The following EDC3 variants were observed in gnomAD, a reference collection of about 807,000 sequenced individuals.
The protein encoded by EDC3 is enhancer of mRNA decapping 3, also known as enhancer of mRNA-decapping protein 3.
A neutral mutation model predicts 41.8 loss-of-function variants in EDC3; 20 were observed. The ratio of observed to expected loss-of-function variants is 0.48; its 90% CI spans 0.34 to 0.70. EDC3 has a LOEUF of 0.70. EDC3 is among the 30% of genes least tolerant of loss of function. EDC3 has a pLI of 0.01. For synonymous variants in EDC3, 206 were observed against 243.2 expected (o/e 0.85, Z 1.42); for missense variants, 444 against 636.8 (o/e 0.70, Z 3.26).
chr15:74,633,063 C>A, intron 6 of EDC3, 117 bp from the exon 7 acceptor site: 1 of 1,091,774 alleles, frequency 9.2e-7, no homozygotes, highest in South Asian at 1.6e-5. Context: ...ACTCGAATGC[C>A]TCTCCAAAGG....
At chr15:74,660,729 G>A (rs1185171730) in intron 3 of EDC3, among the ~76,000 whole-genome samples, 1 of 151,924 alleles carries the variant, frequency 6.6e-6, no homozygotes, top group Admixed American at 6.6e-5. Context: ...TTTCCCCAGG[G>A]GTGGACAGAA....
intron 1 of EDC3, among the ~76,000 whole-genome samples, chr15:74,676,018 A>G (rs1237544163): frequency 6.6e-6 from 1 of 152,230 alleles, no homozygotes; most frequent in Non-Finnish European, 1.5e-5. Flanking sequence ...AACAAGTATG[A>G]ATAAATTTAA....
chr15:74,666,057 G>A (rs973714739), intron 3 of EDC3, among the ~76,000 whole-genome samples: 3 of 151,982 alleles, frequency 2.0e-5, no homozygotes, highest in South Asian at 2.1e-4. Context: ...CCCAGCCTCC[G>A]AAAGTGTTAA....
At position 74,632,199 on chromosome 15, in the gene EDC3, G is replaced by C. The variant is rs1274129725; in HGVS notation, c.*413C>G. 1 of 216,992 alleles carries C rather than the reference G, an allele frequency of 4.6e-6. No individual in the cohort carries two copies. The highest frequency in any genetic ancestry group is 9.4e-6 in the Non-Finnish European group (1 of 106,476). 13.4% of individuals were successfully genotyped at this position (216,992 alleles called of 1,614,324 possible). On this transcript the variant is annotated 3_prime_UTR_variant, in exon 7 of 7. Coordinates refer to ENST00000315127, the MANE Select transcript of EDC3 (RefSeq NM_025083.5). This position sits in a 1 kb window ranked among gnomAD's most constrained non-coding sequence, Gnocchi z 4.0. ...AAGGGCTGTCTGCGTGGGGAAAGCA[G>C]GGGAGACACAAAGCCACAAGCTCTG...
chr15:74,656,737 A>G (rs2062553539), intron 3 of EDC3, among the ~76,000 whole-genome samples: 1 of 152,060 alleles, frequency 6.6e-6, no homozygotes, highest in South Asian at 2.1e-4. Context: ...CTGTTTTCCC[A>G]CTAGAATGTT....
chr15:74,672,407 T>G (rs988961719), intron 2 of EDC3, among the ~76,000 whole-genome samples: 5 of 152,308 alleles, frequency 3.3e-5, no homozygotes, highest in East Asian at 1.9e-4. Context: ...ATACTTACTA[T>G]GTGGTAAGCC....
intron 3 of EDC3, among the ~76,000 whole-genome samples, chr15:74,670,268 T>C (rs2062724477): frequency 6.6e-6 from 1 of 152,118 alleles, no homozygotes; most frequent in Non-Finnish European, 1.5e-5. Flanking sequence ...ACAACATTCA[T>C]ATTAATTTAA....
intron 3 of EDC3, among the ~76,000 whole-genome samples, chr15:74,668,056 T>C (rs2062696948): frequency 1.3e-5 from 2 of 152,200 alleles, no homozygotes; most frequent in Non-Finnish European, 2.9e-5. Context: ...AATGGTACTT[T>C]ACCTCTGTTG....
At chr15:74,649,378 C>T (rs2062455059) in intron 4 of EDC3, among the ~76,000 whole-genome samples, 1 of 152,112 alleles carries the variant, frequency 6.6e-6, no homozygotes, top group African/African-American at 2.4e-5. Flanking sequence ...CTCAGCCTCC[C>T]AAAGTGGTGG....
chr15:74,640,680 T>TA, intron 4 of EDC3, 61 bp from the exon 5 acceptor site: 1 of 1,603,060 alleles, frequency 6.2e-7, no homozygotes, highest in African/African-American at 1.3e-5. Context: ...CCAAACCGGG[T>TA]ATACTCTATC....
Position 74,632,772 on chromosome 15 carries a change from T to C in EDC3, c.1367A>G (p.Lys456Arg). ...AGGCAGGCCCAGTGCCAGTGACCATTTGGCATCAATGCCCTGTTCGACTTC... is the reference window on the plus strand; with the variant it reads ...AGGCAGGCCCAGTGCCAGTGACCATCTGGCATCAATGCCCTGTTCGACTTC... ...VHEVEQGIDA[K>R]WSLALGLPLP... The change falls in exon 7 of 7, where the codon AAA becomes AGA. Residue 456 changes from lysine to arginine, a missense_variant. Transcript: ENST00000315127. This position sits in a 1 kb window ranked among gnomAD's most constrained non-coding sequence, Gnocchi z 4.0. 2 of 1,614,254 alleles carry C rather than the reference T, an allele frequency of 1.2e-6. No individual in the cohort carries two copies. The highest frequency in any genetic ancestry group is 1.7e-6 in the Non-Finnish European group (2 of 1,180,036).
At chr15:74,645,667 G>A (rs1482527936) in intron 4 of EDC3, among the ~76,000 whole-genome samples, 4 of 147,686 alleles carry the variant, frequency 2.7e-5, no homozygotes, top group Admixed American at 1.4e-4. Flanking sequence ...TCAGGAGTTC[G>A]AGATCATCCT....
Position 74,675,156 on chromosome 15 carries a change from GA to G in EDC3, c.-18-15del, listed in dbSNP as rs2062788350. 1 of 1,608,038 alleles carries G rather than the reference GA, an allele frequency of 6.2e-7. No homozygotes were observed. The highest frequency in any genetic ancestry group is 1.1e-5 in the South Asian group (1 of 91,032). On this transcript the variant is annotated splice_polypyrimidine_tract_variant and intron_variant, in intron 1 of 6. Transcript: ENST00000315127. The stretch of plus-strand genomic sequence containing the variant: ...CACGTGAGACCACTGTGAAGAGAAG[GA>G]ACTATTCAGTGTGCCTTGGTGAAAA...
At chr15:74,642,764 C>A (rs1438497343) in intron 4 of EDC3, 1 of 152,280 alleles carries the variant, frequency 6.6e-6, no homozygotes, top group East Asian at 1.9e-4. Flanking sequence ...CCTCCCCTGC[C>A]CCCTCATTCT....
At chr15:74,642,316 G>C (rs574840796) in intron 4 of EDC3, 1 of 152,344 alleles carries the variant, frequency 6.6e-6, no homozygotes, top group Admixed American at 6.5e-5. Flanking sequence ...GCAACAAACA[G>C]TGCCATTAGG....
intron 4 of EDC3, 33 bp from the exon 5 acceptor site, chr15:74,640,652 T>C (rs1225778897): frequency 1.2e-6 from 2 of 1,613,752 alleles, no homozygotes. Flanking sequence ...AAAGGGAAAG[T>C]GACTACAGAA....
intron 1 of EDC3, among the ~76,000 whole-genome samples, chr15:74,687,579 T>C (rs1045703827): frequency 3.3e-5 from 5 of 152,190 alleles, no homozygotes; most frequent in South Asian, 2.1e-4. Flanking sequence ...GGTTTCACCA[T>C]GTTGGCCAGA....
chr15:74,650,840 A>G (rs1410945818), intron 4 of EDC3, among the ~76,000 whole-genome samples: 2 of 152,072 alleles, frequency 1.3e-5, no homozygotes, highest in Non-Finnish European at 2.9e-5. Context: ...TCTACTAAAA[A>G]TACAAAAATT....
rs957115319 is a variant in EDC3 at position 74,640,735 on chromosome 15, C to A, written c.821-116G>T. On this transcript the variant is annotated intron_variant, in intron 4 of 6. Transcript: ENST00000315127. ...ACATTTTACCATGGATCACCCCTGG[C>A]CCATCCTCTTCATCTTCCGGGACTA... 9 of 1,313,494 alleles carry A rather than the reference C, an allele frequency of 6.9e-6. No homozygotes were observed. The Admixed American group carries it at 2.0e-4, about 29-fold the overall frequency. 81.4% of individuals were successfully genotyped at this position (1,313,494 alleles called of 1,614,324 possible). A position where few individuals can be genotyped will look rare whatever the true frequency, so the allele number is the denominator to read the frequency against.
Sources: allele counts gnomAD v4.1 joint callset (sites outside exome capture counted in the v4.1 genomes callset), GRCh38; gene constraint gnomAD v4.1.1; non-coding constraint Gnocchi (gnomAD v3.1); transcripts MANE v1.5; gene names NCBI Gene and HGNC (gene_info 2026-07-23, HGNC 2026-07-21).